Variants in ST6GALNAC3 observed in about 807,000 individuals in gnomAD.
ST6GALNAC3 encodes ST6 N-acetylgalactosaminide alpha-2,6-sialyltransferase 3.
In ST6GALNAC3, 25 loss-of-function variants were observed where a neutral mutation model predicts 32.7. That is an observed-to-expected ratio of 0.76 (90% confidence interval 0.56 to 1.07). The LOEUF (loss-of-function observed/expected upper bound fraction) is 1.07. Ranked by LOEUF, ST6GALNAC3 falls within the 50% of genes least tolerant of loss-of-function variation. The probability of loss-of-function intolerance (pLI) is 0.00; values close to 1 mark genes in which losing one functional copy is unlikely to be tolerated. For missense variants in ST6GALNAC3, 355 were observed against 382.4 expected, an observed-to-expected ratio of 0.93 and a Z score of 0.60; for synonymous variants, 129 against 133.1, an observed-to-expected ratio of 0.97 and a Z score of 0.21.
intron 3 of ST6GALNAC3, among the ~76,000 whole-genome samples, chr1:76,436,385 G>A (rs1656145899): frequency 6.6e-6 from 1 of 152,106 alleles, no homozygotes; most frequent in African/African-American, 2.4e-5. Flanking sequence ...AGCCTCAATG[G>A]ATGCTGCTTT....
intron 3 of ST6GALNAC3, among the ~76,000 whole-genome samples, chr1:76,414,380 G>A (rs547859991): frequency 6.6e-6 from 1 of 152,132 alleles, no homozygotes; most frequent in South Asian, 2.1e-4. Context: ...AACTATGCTA[G>A]TGTTTTAGAA....
At chr1:76,361,761 C>G (rs1649957732) in intron 2 of ST6GALNAC3, among the ~76,000 whole-genome samples, 1 of 151,976 alleles carries the variant, frequency 6.6e-6, no homozygotes. Flanking sequence ...GGTGGATCAC[C>G]TGAGGTCAGG....
chr1:76,179,010 T>A (rs1653015465), intron 1 of ST6GALNAC3, among the ~76,000 whole-genome samples: 1 of 152,098 alleles, frequency 6.6e-6, no homozygotes, highest in Admixed American at 6.5e-5. Flanking sequence ...TTCTGTCCAT[T>A]CCCTGCTCGG....
At chr1:76,307,880 T>A (rs778716940) in intron 1 of ST6GALNAC3, 2 of 515,236 alleles carry the variant, frequency 3.9e-6, no homozygotes, top group Admixed American at 3.9e-5. Context: ...GTGGATTTTA[T>A]TTTGGAATAG....
chr1:76,251,783 T>C (rs1467691508), intron 1 of ST6GALNAC3, among the ~76,000 whole-genome samples: 1 of 152,090 alleles, frequency 6.6e-6, no homozygotes, highest in Non-Finnish European at 1.5e-5. Context: ...TGTTTATTCC[T>C]TTCTCAAACT....
chr1:76,331,974 G>A (rs576741775), intron 2 of ST6GALNAC3, among the ~76,000 whole-genome samples: 2 of 152,162 alleles, frequency 1.3e-5, no homozygotes, highest in Admixed American at 1.3e-4. Flanking sequence ...AAGATTGATT[G>A]GAACACAAGG....
intron 3 of ST6GALNAC3, among the ~76,000 whole-genome samples, chr1:76,519,904 G>A (rs1377929077): frequency 6.6e-6 from 1 of 150,794 alleles, no homozygotes; most frequent in East Asian, 1.9e-4. Flanking sequence ...ATATATACAT[G>A]CATGCATGCA....
intron 1 of ST6GALNAC3, among the ~76,000 whole-genome samples, chr1:76,114,357 A>G (rs376211540): frequency 6.6e-6 from 1 of 152,150 alleles, no homozygotes; most frequent in African/African-American, 2.4e-5. Context: ...GAAATTCATT[A>G]CTAATGTAGT....
intron 2 of ST6GALNAC3, among the ~76,000 whole-genome samples, chr1:76,404,646 G>A (rs1269529930): frequency 6.6e-6 from 1 of 151,990 alleles, no homozygotes; most frequent in African/African-American, 2.4e-5. Flanking sequence ...GAAGAGCAGG[G>A]GAATAAATGA....
At chr1:76,244,804 C>T (rs796676645) in intron 1 of ST6GALNAC3, among the ~76,000 whole-genome samples, 30 of 152,122 alleles carry the variant, frequency 2.0e-4, no homozygotes, top group Admixed American at 4.6e-4. Context: ...GACTTGATCA[C>T]GGTGGATAAG....
At chr1:76,406,524 CT>C (rs1329841914) in intron 2 of ST6GALNAC3, among the ~76,000 whole-genome samples, 2 of 151,950 alleles carry the variant, frequency 1.3e-5, no homozygotes, top group Non-Finnish European at 2.9e-5. Context: ...ATATTTCAAG[CT>C]GAAAATATCA....
At chr1:76,293,468 C>G (rs1340769686) in intron 1 of ST6GALNAC3, among the ~76,000 whole-genome samples, 1 of 152,142 alleles carries the variant, frequency 6.6e-6, no homozygotes, top group Non-Finnish European at 1.5e-5. Context: ...TTTGTCCTCT[C>G]TATTGATACT....
intron 3 of ST6GALNAC3, among the ~76,000 whole-genome samples, chr1:76,439,434 C>T (rs1656388281): frequency 6.6e-6 from 1 of 152,142 alleles, no homozygotes; most frequent in South Asian, 2.1e-4. Context: ...CTTTGAAAAG[C>T]TATGCTTTAT....
chr1:76,596,575 TAATGGCAGCTATC>T (rs1470559620), intron 3 of ST6GALNAC3, among the ~76,000 whole-genome samples: 2 of 152,196 alleles, frequency 1.3e-5, no homozygotes, highest in Non-Finnish European at 2.9e-5. Flanking sequence ...TCGTCAGAAA[TAATGGCAGCTATC>T]AATTTTTTTA....
At chr1:76,507,481 C>T (rs1661552270) in intron 3 of ST6GALNAC3, among the ~76,000 whole-genome samples, 1 of 152,196 alleles carries the variant, frequency 6.6e-6, no homozygotes, top group African/African-American at 2.4e-5. Flanking sequence ...CACCAATCTA[C>T]TTTCTGTCTC....
Position 76,240,920 on chromosome 1 carries a change from G to A in ST6GALNAC3, c.19-72885G>A, listed in dbSNP as rs184623451. On this transcript the variant is annotated intron_variant, in intron 1 of 4. Transcript: ENST00000328299. ...CTTTTGAAAGAGCACTGAACCAAAA[G>A]CAGAACTAGGTTTAAGATACTTTTG... Among the ~76,000 whole-genome samples, 560 of 152,298 alleles carry A rather than the reference G, an allele frequency of 3.7e-3. 5 individuals are homozygous for A. The highest frequency in any genetic ancestry group is 6.5e-3 in the Non-Finnish European group (439 of 68,026).
chr1:76,249,055 T>C (rs1308835705), intron 1 of ST6GALNAC3, among the ~76,000 whole-genome samples: 1 of 152,212 alleles, frequency 6.6e-6, no homozygotes, highest in Non-Finnish European at 1.5e-5. Context: ...CCTGAGAGAT[T>C]AGGGTATATA....
At chr1:76,590,762 CT>C (rs1647035366) in intron 3 of ST6GALNAC3, among the ~76,000 whole-genome samples, 1 of 152,188 alleles carries the variant, frequency 6.6e-6, no homozygotes, top group African/African-American at 2.4e-5. Flanking sequence ...AACTGCCTCA[CT>C]GTTTCATCCC....
At chr1:76,121,301 C>T (rs1435233139) in intron 1 of ST6GALNAC3, among the ~76,000 whole-genome samples, 2 of 152,184 alleles carry the variant, frequency 1.3e-5, no homozygotes, top group African/African-American at 4.8e-5. Flanking sequence ...GGGATCTCCA[C>T]CACCACCACC....
Sources: allele counts gnomAD v4.1 joint callset (sites outside exome capture counted in the v4.1 genomes callset), GRCh38; gene constraint gnomAD v4.1.1; transcripts MANE v1.5; gene names NCBI Gene and HGNC (gene_info 2026-07-23, HGNC 2026-07-21).